TSHZ2: variants seen among roughly 807,000 people sequenced by gnomAD.
TSHZ2 encodes the protein teashirt zinc finger homeobox 2.
Under a neutral mutation model 74.4 loss-of-function variants are expected in TSHZ2, and 21 were observed. The observed-to-expected ratio is 0.28, with a 90% confidence interval of 0.20 to 0.41. The LOEUF is 0.41. Among genes scored for constraint, TSHZ2 ranks in the 10% least tolerant of loss-of-function variants. The pLI is 1.00. For synonymous variants in TSHZ2, 540 were observed against 515.3 expected (o/e 1.05, Z -0.65); for missense variants, 1,244 against 1,293.5 (o/e 0.96, Z 0.59).
chr20:52,975,057 T>C (rs547934291), intron 1 of TSHZ2, among the ~76,000 whole-genome samples: 1 of 152,324 alleles, frequency 6.6e-6, no homozygotes, highest in South Asian at 2.1e-4. Context: ...AAACTTAGGC[T>C]GCTTTGCAAT....
intron 1 of TSHZ2, among the ~76,000 whole-genome samples, chr20:53,177,582 T>C (rs1474259389): frequency 6.6e-6 from 1 of 152,244 alleles, no homozygotes. Flanking sequence ...CCATGAATCC[T>C]TGGCACCTTT....
intron 2 of TSHZ2, among the ~76,000 whole-genome samples, chr20:53,293,402 G>A (rs779467428): frequency 6.6e-6 from 1 of 152,094 alleles, no homozygotes; most frequent in African/African-American, 2.4e-5. Context: ...GGCAGAGATT[G>A]CAGTGAGCTG....
intron 1 of TSHZ2, among the ~76,000 whole-genome samples, chr20:53,099,759 G>A (rs928925775): frequency 3.9e-5 from 6 of 152,122 alleles, no homozygotes; most frequent in African/African-American, 1.2e-4. Flanking sequence ...TCACTACTAC[G>A]ACAAGAGTAT....
intron 2 of TSHZ2, among the ~76,000 whole-genome samples, chr20:53,430,736 ATTTAG>A (rs771108631): frequency 2.2e-4 from 33 of 152,194 alleles, no homozygotes; most frequent in East Asian, 1.2e-3. Context: ...CACTGATTTG[ATTTAG>A]TTTAGTTTAG....
At chr20:53,129,216 A>G (rs1987033019) in intron 1 of TSHZ2, among the ~76,000 whole-genome samples, 1 of 152,166 alleles carries the variant, frequency 6.6e-6, no homozygotes, top group Non-Finnish European at 1.5e-5. Context: ...TACTTCCCAA[A>G]TTTCAGTTAT....
chr20:53,038,225 A>G lies in TSHZ2; in HGVS notation c.40+64892A>G, dbSNP rs868147359. On this transcript the variant is annotated intron_variant, in intron 1 of 2. Coordinates refer to ENST00000371497, the MANE Select transcript of TSHZ2 (RefSeq NM_173485.6). The stretch of plus-strand genomic sequence containing the variant: ...AAAAAAAAAAAAAAAAAAAAAAAAA[A>G]AAAAAAAAGAAACTGCCCAGAATTT... Among the ~76,000 whole-genome samples, 30 of 111,140 alleles carry G rather than the reference A, an allele frequency of 2.7e-4. 2 individuals carry two copies. Among genetic ancestry groups the G allele is most frequent in the African/African-American group, 1.2e-3 (29 of 24,220 alleles). 72.9% of individuals were successfully genotyped at this position (111,140 alleles called of 152,430 possible).
intron 1 of TSHZ2, among the ~76,000 whole-genome samples, chr20:52,998,122 T>C (rs1371527504): frequency 6.6e-6 from 1 of 152,234 alleles, no homozygotes; most frequent in Non-Finnish European, 1.5e-5. Flanking sequence ...ATCATTTCCT[T>C]GCCTGAACTG....
chr20:53,148,293 G>A (rs1303780825), intron 1 of TSHZ2, among the ~76,000 whole-genome samples: 1 of 152,110 alleles, frequency 6.6e-6, no homozygotes, highest in African/African-American at 2.4e-5. Context: ...CATTGTCTGG[G>A]ACACTTTTTA....
intron 1 of TSHZ2, among the ~76,000 whole-genome samples, chr20:52,988,804 C>T (rs1037292581): frequency 7.2e-5 from 11 of 152,162 alleles, no homozygotes; most frequent in Non-Finnish European, 8.8e-5. Context: ...CAGTAAGAAT[C>T]GTGCTCACCC....
chr20:53,358,105 C>A (rs1409386472), intron 2 of TSHZ2, among the ~76,000 whole-genome samples: 2 of 152,080 alleles, frequency 1.3e-5, no homozygotes, highest in Admixed American at 6.6e-5. Context: ...CCATAATGAA[C>A]CCAGCACACG....
intron 1 of TSHZ2, among the ~76,000 whole-genome samples, chr20:53,190,041 T>C (rs1451523515): frequency 7.7e-6 from 1 of 130,584 alleles, no homozygotes; most frequent in Non-Finnish European, 1.6e-5. Flanking sequence ...GCCATGATCA[T>C]GCCACTGTAC....
At chr20:53,118,317 A>T (rs188525840) in intron 1 of TSHZ2, among the ~76,000 whole-genome samples, 82 of 152,330 alleles carry the variant, frequency 5.4e-4, no homozygotes, top group African/African-American at 1.7e-3. Context: ...GACCCAAAAA[A>T]GAAGAAGAAA....
Position 53,478,720 on chromosome 20 carries a change from A to T in TSHZ2, c.*9-8424A>T, listed in dbSNP as rs1043336426. Among the ~76,000 whole-genome samples the T allele has an allele frequency of 2.0e-5, 3 of 151,900 alleles. No homozygotes were observed. The East Asian group carries it at 5.8e-4, about 29-fold the overall frequency. ...AGTTATCAGATTAAAAAAAAGAAAGAGCTCGTGGGGAGCAGAGGTCCTCCG... is the reference window on the plus strand; with the variant it reads ...AGTTATCAGATTAAAAAAAAGAAAGTGCTCGTGGGGAGCAGAGGTCCTCCG... On this transcript the variant is annotated intron_variant, in intron 2 of 2. Coordinates refer to ENST00000371497, the MANE Select transcript of TSHZ2 (RefSeq NM_173485.6).
chr20:53,167,834 C>T (rs1468932127), intron 1 of TSHZ2, among the ~76,000 whole-genome samples: 1 of 152,130 alleles, frequency 6.6e-6, no homozygotes, highest in African/African-American at 2.4e-5. Context: ...GAAGTTATGA[C>T]AAATGTGACA....
intron 2 of TSHZ2, among the ~76,000 whole-genome samples, chr20:53,320,746 A>G (rs1163861179): frequency 6.6e-6 from 1 of 152,036 alleles, no homozygotes; most frequent in Non-Finnish European, 1.5e-5. Context: ...GTCCTACTCA[A>G]CTACCTGTCT....
At chr20:53,127,499 A>G (rs1336344692) in intron 1 of TSHZ2, among the ~76,000 whole-genome samples, 1 of 152,180 alleles carries the variant, frequency 6.6e-6, no homozygotes, top group Non-Finnish European at 1.5e-5. Flanking sequence ...TGAGGCCAGG[A>G]GCTTGAGATG....
intron 2 of TSHZ2, among the ~76,000 whole-genome samples, chr20:53,359,462 A>G (rs1158541185): frequency 1.3e-5 from 2 of 152,244 alleles, no homozygotes; most frequent in African/African-American, 4.8e-5. Context: ...ACAGCAGGGA[A>G]CATACTTAAA....
intron 1 of TSHZ2, among the ~76,000 whole-genome samples, chr20:53,232,308 A>G (rs930955614): frequency 6.6e-6 from 1 of 152,178 alleles, no homozygotes; most frequent in African/African-American, 2.4e-5. Flanking sequence ...CATCTAATTC[A>G]CACGTTTATT....
intron 1 of TSHZ2, among the ~76,000 whole-genome samples, chr20:53,033,950 G>A (rs1600657290): frequency 2.0e-5 from 3 of 152,046 alleles, no homozygotes; most frequent in Admixed American, 6.6e-5. Context: ...ATGAGCCACC[G>A]TGCCCTGCCA....
Sources: gnomAD v4.1 joint callset for allele counts (sites outside exome capture counted in the v4.1 genomes callset) on GRCh38, gnomAD v4.1.1 for gene constraint, MANE v1.5 for transcripts, NCBI Gene and HGNC (gene_info 2026-07-23, HGNC 2026-07-21) for gene names.